The following CDYL2 variants were observed in gnomAD, a reference collection of about 807,000 sequenced individuals.
CDYL2 encodes chromodomain Y like 2.
A neutral mutation model predicts 49.4 loss-of-function variants in CDYL2; 23 were observed. The ratio of observed to expected loss-of-function variants is 0.47; its 90% CI spans 0.34 to 0.66. The LOEUF is 0.66. Among genes scored for constraint, CDYL2 ranks in the 30% least tolerant of loss-of-function variants. CDYL2 has a pLI of 0.01. For synonymous variants in CDYL2, 360 were observed against 268.8 expected, an observed-to-expected ratio of 1.34 and a Z score of -3.32; for missense variants, 678 against 656.4, an observed-to-expected ratio of 1.03 and a Z score of -0.36.
chr16:80,724,707 A>T (rs1905110294), intron 1 of CDYL2, among the ~76,000 whole-genome samples: 1 of 152,334 alleles, frequency 6.6e-6, no homozygotes, highest in South Asian at 2.1e-4. Flanking sequence ...TTCTTTCTAT[A>T]GTTCACAGTC....
intron 1 of CDYL2, among the ~76,000 whole-genome samples, chr16:80,760,276 C>A (rs556536940): frequency 6.6e-6 from 1 of 152,146 alleles, no homozygotes; most frequent in East Asian, 1.9e-4. Flanking sequence ...AGTTCACTGC[C>A]TCTGGCTCAT....
At chr16:80,632,879 G>C in intron 3 of CDYL2, 140 bp downstream of exon 3, 1 of 699,460 alleles carries the variant, frequency 1.4e-6, no homozygotes, top group Non-Finnish European at 2.4e-6. Flanking sequence ...TGAGCAAATT[G>C]CGCGCTGCAG....
At chr16:80,648,460 A>G (rs1210363033) in intron 2 of CDYL2, among the ~76,000 whole-genome samples, 1 of 152,148 alleles carries the variant, frequency 6.6e-6, no homozygotes, top group Non-Finnish European at 1.5e-5. Context: ...GAAGAAATCC[A>G]AAACCTGAAC....
intron 1 of CDYL2, among the ~76,000 whole-genome samples, chr16:80,792,685 T>C (rs1907647457): frequency 6.6e-6 from 1 of 152,166 alleles, no homozygotes; most frequent in Non-Finnish European, 1.5e-5. Flanking sequence ...GATAACGTGA[T>C]ACTCCACCCA....
At chr16:80,738,118 T>G (rs1905602061) in intron 1 of CDYL2, among the ~76,000 whole-genome samples, 1 of 152,038 alleles carries the variant, frequency 6.6e-6, no homozygotes, top group Non-Finnish European at 1.5e-5. Flanking sequence ...CATGCAGTGT[T>G]TGGTTTTCTG....
intron 2 of CDYL2, among the ~76,000 whole-genome samples, chr16:80,654,620 G>C (rs1301791277): frequency 6.6e-6 from 1 of 152,160 alleles, no homozygotes; most frequent in Non-Finnish European, 1.5e-5. Flanking sequence ...CTCATAAATG[G>C]CATTGGGAAT....
At position 80,680,478 on chromosome 16, in the gene CDYL2, G is replaced by C. The variant is rs74028395; in HGVS notation, c.616+4060C>G. ...GGGACGTTTCACAGAGTAAAGGCTC[G>C]TGTGAATCCATAGAACACTGATGCT... On this transcript the variant is annotated intron_variant, in intron 2 of 6. Transcript: ENST00000570137. Among the ~76,000 whole-genome samples, 603 of 152,252 alleles carry C rather than the reference G, an allele frequency of 4.0e-3. 2 individuals carry two copies. The highest frequency in any genetic ancestry group is 0.014 in the African/African-American group (581 of 41,532).
In CDYL2 at chr16:80,794,598, A is replaced by ATT. The variant is rs966789395; in HGVS notation, c.24+9550_24+9551dup. Among the ~76,000 whole-genome samples, 567 of 66,878 alleles carry ATT rather than the reference A, an allele frequency of 8.5e-3. 47 individuals are homozygous for ATT. Among genetic ancestry groups the ATT allele is most frequent in the Non-Finnish European group, 0.011 (383 of 33,698 alleles). The allele number at this position is 66,878 out of a possible 152,430, so 43.9% of individuals were successfully genotyped here. A position where few individuals can be genotyped will look rare whatever the true frequency, so the allele number is the denominator to read the frequency against. ...TTTTTTAATTATTACATTCCCAGTG[A>ATT]TTTTTTTTTTTTTTTTTTTTTTTTT... On this transcript the variant is annotated intron_variant, in intron 1 of 6. Transcript: ENST00000570137.
In CDYL2 at chr16:80,601,829, G is replaced by C. The variant is rs1370497138; in HGVS notation, c.*2559C>G. On this transcript the variant is annotated 3_prime_UTR_variant, in exon 7 of 7. Transcript: ENST00000570137. Reference sequence around the variant, plus strand: ...CCCAGGACCTGTGACTTAACAGCAAGATTTCCACCTTAGAAATGGTTTCAC... The same window carrying C: ...CCCAGGACCTGTGACTTAACAGCAACATTTCCACCTTAGAAATGGTTTCAC... 1 of 152,142 alleles carries C rather than the reference G, an allele frequency of 6.6e-6. No homozygotes were observed. The allele number at this position is 152,142 out of a possible 1,614,324, so 9.4% of individuals were successfully genotyped here.
chr16:80,778,815 G>A (rs1407335309), intron 1 of CDYL2, among the ~76,000 whole-genome samples: 1 of 151,932 alleles, frequency 6.6e-6, no homozygotes, highest in Non-Finnish European at 1.5e-5. Flanking sequence ...TAGAATGCCT[G>A]GAAACAAACT....
At chr16:80,753,040 T>A (rs1415982309) in intron 1 of CDYL2, among the ~76,000 whole-genome samples, 1 of 152,106 alleles carries the variant, frequency 6.6e-6, no homozygotes, top group African/African-American at 2.4e-5. Context: ...TCAAAATAAA[T>A]TAAGAATTAA....
At chr16:80,767,024 A>G (rs1400208535) in intron 1 of CDYL2, among the ~76,000 whole-genome samples, 1 of 152,192 alleles carries the variant, frequency 6.6e-6, no homozygotes, top group Non-Finnish European at 1.5e-5. Context: ...CAATGCTGAC[A>G]CTGGTCATTG....
At chr16:80,630,906 G>A (rs914469003) in intron 3 of CDYL2, among the ~76,000 whole-genome samples, 1 of 152,144 alleles carries the variant, frequency 6.6e-6, no homozygotes, top group Admixed American at 6.5e-5. Context: ...ACTGGACAAT[G>A]CTAGGTCATT....
At chr16:80,664,906 C>T (rs1909197353) in intron 2 of CDYL2, among the ~76,000 whole-genome samples, 1 of 152,178 alleles carries the variant, frequency 6.6e-6, no homozygotes, top group Non-Finnish European at 1.5e-5. Flanking sequence ...TTTGGCTTAG[C>T]AAGGGCTCAG....
chr16:80,696,314 TA>T (rs1476875750), intron 1 of CDYL2, among the ~76,000 whole-genome samples: 4 of 152,018 alleles, frequency 2.6e-5, no homozygotes, highest in African/African-American at 9.7e-5. Flanking sequence ...TCAAATGACC[TA>T]ATGATACATC....
At chr16:80,614,487 G>C (rs1906738633) in intron 4 of CDYL2, among the ~76,000 whole-genome samples, 1 of 152,256 alleles carries the variant, frequency 6.6e-6, no homozygotes, top group Admixed American at 6.5e-5. Flanking sequence ...CAGGCTGATG[G>C]TGACATCTAT....
In CDYL2 at chr16:80,608,181, T is replaced by G. The variant is rs1906431397; in HGVS notation, c.1273A>C (p.Arg425=). The change falls in exon 6 of 7, where the codon AGG becomes CGG. Residue 425 remains arginine, a synonymous_variant. Transcript: ENST00000570137. ...RKLTAQEACS[R]GLVSQVFWPT... is the part of the protein sequence containing the mutation. ...CAGAAGACCTGCGACACCAGCCCCCTGCTGCAGGCCTCCTGGGCGGTGAGC... is the reference window on the plus strand; with the variant it reads ...CAGAAGACCTGCGACACCAGCCCCCGGCTGCAGGCCTCCTGGGCGGTGAGC... 6.2e-7 allele frequency: 1 copy of G among 1,601,920 alleles called. No individual in the cohort carries two copies. Among genetic ancestry groups the G allele is most frequent in the South Asian group, 1.1e-5 (1 of 88,384 alleles).
intron 1 of CDYL2, among the ~76,000 whole-genome samples, chr16:80,709,210 C>T (rs961175260): frequency 1.3e-5 from 2 of 152,092 alleles, no homozygotes; most frequent in Admixed American, 1.3e-4. Context: ...GGCGAAACCC[C>T]GTCTCCACTA....
At chr16:80,609,057 G>A (rs1221770412) in intron 5 of CDYL2, among the ~76,000 whole-genome samples, 2 of 152,202 alleles carry the variant, frequency 1.3e-5, no homozygotes, top group East Asian at 3.9e-4. Flanking sequence ...CAGTCTTGAA[G>A]GGCAGAGAGC....
Sources: gnomAD v4.1 joint callset for allele counts (sites outside exome capture counted in the v4.1 genomes callset) on GRCh38, gnomAD v4.1.1 for gene constraint, MANE v1.5 for transcripts, NCBI Gene and HGNC (gene_info 2026-07-23, HGNC 2026-07-21) for gene names.